The following NAMPT variants were observed in gnomAD, a reference collection of about 807,000 sequenced individuals.
The protein encoded by NAMPT is NAmPRTase.
Under a neutral mutation model 58.7 loss-of-function variants are expected in NAMPT, and 7 were observed. The ratio of observed to expected loss-of-function variants is 0.12; its 90% CI spans 0.07 to 0.22. The LOEUF (loss-of-function observed/expected upper bound fraction) is 0.22. NAMPT is among the 10% of genes least tolerant of loss of function. NAMPT has a pLI of 1.00. For missense variants in NAMPT, 271 were observed against 567.9 expected (o/e 0.48, Z 5.31); for synonymous variants, 145 against 198.1 (o/e 0.73, Z 2.25).
intron 3 of NAMPT, among the ~76,000 whole-genome samples, chr7:106,273,691 A>C (rs1792579893): frequency 6.6e-6 from 1 of 152,206 alleles, no homozygotes; most frequent in Admixed American, 6.5e-5. Flanking sequence ...TAAGCATAGT[A>C]CCTAACTTAT....
rs550889951 is a variant in NAMPT, at chr7:106,250,158, T to C, written c.*925A>G. 8 of 152,624 alleles carry C rather than the reference T, an allele frequency of 5.2e-5. No homozygotes were observed. Among genetic ancestry groups the C allele is most frequent in the South Asian group, 2.1e-4 (1 of 4,824 alleles). The allele number at this position is 152,624 out of a possible 1,614,324, so 9.5% of individuals were successfully genotyped here. A position where few individuals can be genotyped will look rare whatever the true frequency, so the allele number is the denominator to read the frequency against. ...TAATTCATTTAAGTCATACCAACTA[T>C]AGAATATGAAAAATAAATTCAGAAG... On this transcript the variant is annotated 3_prime_UTR_variant, in exon 11 of 11. Transcript: ENST00000222553.
At chr7:106,281,136 C>A (rs1792756127) in intron 1 of NAMPT, among the ~76,000 whole-genome samples, 1 of 150,992 alleles carries the variant, frequency 6.6e-6, no homozygotes, top group African/African-American at 2.4e-5. Flanking sequence ...CAGCTGTTTC[C>A]ATTAAGGAGT....
At chr7:106,285,660 G>A (rs867582822), upstream of NAMPT, 33 of 943,986 alleles carry the variant, frequency 3.5e-5, no homozygotes, top group Middle Eastern at 5.4e-3. Flanking sequence ...AGGCTGAGGG[G>A]CCCCTTTCAT....
chr7:106,266,798 A>G (rs976786273), intron 6 of NAMPT, among the ~76,000 whole-genome samples: 55 of 152,198 alleles, frequency 3.6e-4, no homozygotes, highest in Non-Finnish European at 6.2e-4. Context: ...GTCCCCTAAG[A>G]TATTTATCTC....
chr7:106,273,647 G>A (rs962526425), intron 3 of NAMPT, among the ~76,000 whole-genome samples: 7 of 152,092 alleles, frequency 4.6e-5, no homozygotes, highest in East Asian at 1.9e-4. Flanking sequence ...ATAATCAAAC[G>A]ACTTATTGCC....
intron 8 of NAMPT, among the ~76,000 whole-genome samples, chr7:106,258,267 G>A (rs895257239): frequency 5.3e-5 from 8 of 152,106 alleles, no homozygotes; most frequent in Non-Finnish European, 7.4e-5. Flanking sequence ...CACCATCACC[G>A]CAGAAATACT....
intron 3 of NAMPT, among the ~76,000 whole-genome samples, chr7:106,273,629 C>G (rs1004535681): frequency 6.6e-6 from 1 of 152,110 alleles, no homozygotes; most frequent in Non-Finnish European, 1.5e-5. Context: ...CCAAGATTTT[C>G]TGATCATATA....
At chr7:106,270,216 T>C in intron 4 of NAMPT, 2 of 339,208 alleles carry the variant, frequency 5.9e-6, no homozygotes, top group South Asian at 4.4e-5. Flanking sequence ...GGCTTAGAAA[T>C]TCACTTCTTC....
chr7:106,257,523 C>T (rs970830351), intron 8 of NAMPT, among the ~76,000 whole-genome samples: 1 of 149,886 alleles, frequency 6.7e-6, no homozygotes, highest in South Asian at 2.1e-4. Context: ...CCCAGCTCCT[C>T]AGGAGGCTGA....
rs775078272 is a variant in NAMPT at position 106,269,322 on chromosome 7, C to T, written c.448-10G>A. ...ACTGAACAAGAATAGTCTGTAGTAA[C>T]AAAATTAACCACAAATATTAAGACA... On this transcript the variant is annotated splice_polypyrimidine_tract_variant and intron_variant, in intron 4 of 10. Transcript: ENST00000222553. 1 of 1,594,516 alleles carries T rather than the reference C, an allele frequency of 6.3e-7. No individual in the cohort carries two copies. The highest frequency in any genetic ancestry group is 1.1e-5 in the South Asian group (1 of 90,146).
intron 8 of NAMPT, among the ~76,000 whole-genome samples, chr7:106,261,017 A>C (rs1792292400): frequency 6.6e-6 from 1 of 152,244 alleles, no homozygotes; most frequent in Non-Finnish European, 1.5e-5. Flanking sequence ...ATGTTGGAAA[A>C]ATAGCACCAA....
At chr7:106,272,015 C>G (rs1040857792) in intron 4 of NAMPT, 3 of 288,418 alleles carry the variant, frequency 1.0e-5, no homozygotes, top group Admixed American at 5.6e-5. Flanking sequence ...AAAATGTACC[C>G]TTCCTGAGAA....
chr7:106,261,535 CAAACTT>C (rs944489448), intron 8 of NAMPT, 47 bp downstream of exon 8: 1 of 1,363,000 alleles, frequency 7.3e-7, no homozygotes, highest in Non-Finnish European at 1.0e-6. Flanking sequence ...CAAACATAAA[CAAACTT>C]AATTATAAGA....
intron 3 of NAMPT, 114 bp from the exon 4 acceptor site, chr7:106,272,772 G>T (rs1792560549): frequency 8.0e-6 from 9 of 1,120,184 alleles, no homozygotes; most frequent in Non-Finnish European, 1.2e-5. Context: ...CATAGAAATT[G>T]CAATTGTAGA....
intron 1 of NAMPT, chr7:106,284,390 AG>A (rs1210621639): frequency 6.6e-6 from 1 of 151,082 alleles, no homozygotes; most frequent in Non-Finnish European, 1.5e-5. Flanking sequence ...CCCGGGGGAA[AG>A]CCCCGCTCAC....
chr7:106,260,827 A>G (rs1439680110), intron 8 of NAMPT, among the ~76,000 whole-genome samples: 1 of 152,212 alleles, frequency 6.6e-6, no homozygotes, highest in African/African-American at 2.4e-5. Flanking sequence ...GTCACAACAC[A>G]CACAGTATTT....
intron 5 of NAMPT, 65 bp from the exon 6 acceptor site, chr7:106,268,665 G>A (rs969682793): frequency 4.4e-6 from 5 of 1,131,170 alleles, no homozygotes; most frequent in Middle Eastern, 3.9e-4. Context: ...ATACCAGGAT[G>A]CAGCCAACCA....
At chr7:106,268,402 C>T (rs921241489) in intron 6 of NAMPT, 62 bp downstream of exon 6, 6 of 1,507,010 alleles carry the variant, frequency 4.0e-6, no homozygotes, top group Non-Finnish European at 5.4e-6. Flanking sequence ...TAAAATGTCA[C>T]TGAGTTACAA....
At position 106,274,967 on chromosome 7, in the gene NAMPT, C is replaced by T. The variant is rs775601398; in HGVS notation, c.297G>A (p.Lys99=). The T allele has an allele frequency of 8.1e-5, 131 of 1,609,754 alleles. 1 individual carries two copies. The highest frequency in any genetic ancestry group is 3.5e-4 in the South Asian group (32 of 90,802). ...EHFQDDVFNE[K]GWNYILEKYD... is the part of the protein sequence containing the mutation. ...TTACCTCAAGAATGTAGTTCCATCCCTTTTCATTAAAGACATCATCTTGGA... is the reference window on the plus strand; with the variant it reads ...TTACCTCAAGAATGTAGTTCCATCCTTTTTCATTAAAGACATCATCTTGGA... Residue 99 remains lysine (K), a synonymous_variant, in exon 3 of 11, where the codon AAG becomes AAA. Transcript: ENST00000222553.
Sources: gnomAD v4.1 joint callset for allele counts (sites outside exome capture counted in the v4.1 genomes callset) on GRCh38, gnomAD v4.1.1 for gene constraint, MANE v1.5 for transcripts, NCBI Gene and HGNC (gene_info 2026-07-23, HGNC 2026-07-21) for gene names.